SEPTIN9: variants seen among roughly 807,000 people sequenced by gnomAD.
The protein encoded by SEPTIN9 is septin 9.
In SEPTIN9, 13 loss-of-function variants were observed where a neutral mutation model predicts 56.6. The ratio of observed to expected loss-of-function variants is 0.23; its 90% CI spans 0.15 to 0.37. SEPTIN9 has a LOEUF of 0.37. Ranked by LOEUF, SEPTIN9 falls within the 10% of genes least tolerant of loss-of-function variation. The pLI is 1.00. For synonymous variants in SEPTIN9, 332 were observed against 334.1 expected, an observed-to-expected ratio of 0.99 and a Z score of 0.07; for missense variants, 650 against 823.1, an observed-to-expected ratio of 0.79 and a Z score of 2.57.
chr17:77,440,382 C>A (rs745488949), intron 3 of SEPTIN9, among the ~76,000 whole-genome samples: 1 of 152,114 alleles, frequency 6.6e-6, no homozygotes, highest in Non-Finnish European at 1.5e-5. Context: ...CTCGAACTCC[C>A]GACTTCAGGT....
chr17:77,488,384 G>T (rs1183548930), intron 6 of SEPTIN9, 63 bp downstream of exon 6: 1 of 1,464,470 alleles, frequency 6.8e-7, no homozygotes, highest in Non-Finnish European at 9.6e-7. Context: ...ACCCCACCCA[G>T]AGTCAGCCCT....
chr17:77,485,913 A>G (rs1001702646), intron 4 of SEPTIN9, among the ~76,000 whole-genome samples: 3 of 151,918 alleles, frequency 2.0e-5, no homozygotes, highest in African/African-American at 4.8e-5. Flanking sequence ...GTCTTGACTC[A>G]CTGCAGCCTC....
intron 1 of SEPTIN9, among the ~76,000 whole-genome samples, chr17:77,290,814 CATAA>C (rs71160222): frequency 7.5e-4 from 106 of 141,476 alleles, no homozygotes; most frequent in African/African-American, 1.6e-3. Flanking sequence ...GACCCTGTCT[CATAA>C]ATAAATAAAT....
chr17:77,479,859 C>T (rs1014951533), intron 3 of SEPTIN9, among the ~76,000 whole-genome samples: 5 of 152,302 alleles, frequency 3.3e-5, no homozygotes, highest in Admixed American at 1.3e-4. Context: ...AAGCGATTTT[C>T]GGTCACGTGG....
In SEPTIN9 at chr17:77,449,637, C is replaced by T. The variant is rs959894237; in HGVS notation, c.722-32507C>T. Among the ~76,000 whole-genome samples, 3 of 152,198 alleles carry T rather than the reference C, an allele frequency of 2.0e-5. No individual in the cohort carries two copies. Among genetic ancestry groups the T allele is most frequent in the African/African-American group, 7.2e-5 (3 of 41,444 alleles). On this transcript the variant is annotated intron_variant, in intron 3 of 11. Coordinates refer to ENST00000427177, the MANE Select transcript of SEPTIN9 (RefSeq NM_001113491.2). This position sits in a 1 kb window ranked among gnomAD's most constrained non-coding sequence, Gnocchi z 4.6. ...CCTCGAGGCTTTCTGTTGACCCTGA[C>T]ACCTGGCCAGAAAGGAGTTCCTTCT...
chr17:77,414,870 G>A (rs767084193), intron 3 of SEPTIN9, among the ~76,000 whole-genome samples: 1 of 152,116 alleles, frequency 6.6e-6, no homozygotes, highest in African/African-American at 2.4e-5. Context: ...GAGCTACTGC[G>A]CCTGGCCGAT....
chr17:77,449,679 G>A lies in SEPTIN9; in HGVS notation c.722-32465G>A, dbSNP rs1051986917. ...GTTCCTTCTGGCATCCTTTGTCAGC[G>A]GTTTCTGGAGCTGCCCTTTAGGGGC... On this transcript the variant is annotated intron_variant, in intron 3 of 11. Coordinates refer to ENST00000427177, the MANE Select transcript of SEPTIN9 (RefSeq NM_001113491.2). This position sits in a 1 kb window ranked among gnomAD's most constrained non-coding sequence, Gnocchi z 4.6. Among the ~76,000 whole-genome samples, 5 of 152,176 alleles carry A rather than the reference G, an allele frequency of 3.3e-5. No individual in the cohort carries two copies. Among genetic ancestry groups the A allele is most frequent in the Admixed American group, 1.3e-4 (2 of 15,288 alleles).
At chr17:77,320,670 C>T (rs1030379636) in intron 2 of SEPTIN9, among the ~76,000 whole-genome samples, 4 of 152,168 alleles carry the variant, frequency 2.6e-5, no homozygotes, top group African/African-American at 9.7e-5. Context: ...GTGTGGGGGA[C>T]CTGCCCCCCT....
intron 3 of SEPTIN9, among the ~76,000 whole-genome samples, chr17:77,432,011 G>A (rs996349785): frequency 3.9e-5 from 6 of 152,232 alleles, no homozygotes; most frequent in African/African-American, 1.2e-4. Flanking sequence ...ACAGGTTGGG[G>A]AGGTTTCAGC....
At chr17:77,486,767 C>T (rs768061867) in intron 4 of SEPTIN9, among the ~76,000 whole-genome samples, 4 of 152,174 alleles carry the variant, frequency 2.6e-5, no homozygotes, top group Non-Finnish European at 4.4e-5. Flanking sequence ...TCTGCACACA[C>T]GGTCACTGTC....
At chr17:77,490,654 C>T (rs2039986160) in intron 7 of SEPTIN9, 88 bp from the exon 8 acceptor site, 1 of 1,052,306 alleles carries the variant, frequency 9.5e-7, no homozygotes, top group Non-Finnish European at 1.4e-6. Context: ...GAGCCAGCAC[C>T]TGAGAGTGTC....
At position 77,371,647 on chromosome 17, in the gene SEPTIN9, G is replaced by A. The variant is rs936164556; in HGVS notation, c.77-30412G>A. 1.6e-4 allele frequency among the ~76,000 whole-genome samples: 25 copies of A among 152,168 alleles called. No individual in the cohort carries two copies. Among genetic ancestry groups the A allele is most frequent in the Non-Finnish European group, 3.2e-4 (22 of 68,038 alleles). On this transcript the variant is annotated intron_variant, in intron 2 of 11. Transcript: ENST00000427177. This position sits in a 1 kb window ranked among gnomAD's most constrained non-coding sequence, Gnocchi z 4.1. ...GGGCTGGACTATCCGATAGGCCCAG[G>A]TGCTGGAGTTCAGACAAGACATACC...
chr17:77,321,728 CG>C (rs2032942535), intron 2 of SEPTIN9, among the ~76,000 whole-genome samples: 2 of 152,300 alleles, frequency 1.3e-5, no homozygotes, highest in Admixed American at 6.5e-5. Context: ...ACTGGTGGAG[CG>C]GGTGTGTGTT....
chr17:77,452,471 C>A (rs911353664), intron 3 of SEPTIN9, among the ~76,000 whole-genome samples: 1 of 152,226 alleles, frequency 6.6e-6, no homozygotes, highest in Admixed American at 6.5e-5. Flanking sequence ...CATGTGAAAT[C>A]TGCTGTGTTT....
intron 1 of SEPTIN9, among the ~76,000 whole-genome samples, chr17:77,283,881 G>A (rs1358770062): frequency 6.6e-6 from 1 of 152,202 alleles, no homozygotes; most frequent in Non-Finnish European, 1.5e-5. Context: ...GTCCTTGCCT[G>A]CAGAGAACTT....
intron 2 of SEPTIN9, chr17:77,320,121 A>T (rs2032852988): frequency 6.8e-7 from 1 of 1,470,210 alleles, no homozygotes; most frequent in African/African-American, 1.4e-5. Flanking sequence ...GAGCACAAAC[A>T]TATGATCAGC....
intron 3 of SEPTIN9, among the ~76,000 whole-genome samples, chr17:77,464,631 C>T (rs1437206237): frequency 2.7e-5 from 4 of 150,744 alleles, no homozygotes; most frequent in East Asian, 1.9e-4. Context: ...GACGGAGTCT[C>T]GCTCTGTCGC....
chr17:77,467,043 C>G (rs433975), intron 3 of SEPTIN9, among the ~76,000 whole-genome samples: 11,275 of 152,194 alleles, frequency 0.074, 1,370 homozygotes, highest in African/African-American at 0.25. Flanking sequence ...TTGCCAGTTA[C>G]TAAATCCGCT....
chr17:77,385,376 AG>A (rs143450912), intron 2 of SEPTIN9, among the ~76,000 whole-genome samples: 4,658 of 151,444 alleles, frequency 0.031, 106 homozygotes, highest in Non-Finnish European at 0.049. Flanking sequence ...GGGGACTTGG[AG>A]TTGCCAGCTC....
Sources: gnomAD v4.1 joint callset for allele counts (sites outside exome capture counted in the v4.1 genomes callset) on GRCh38, gnomAD v4.1.1 for gene constraint, Gnocchi (gnomAD v3.1) non-coding constraint, MANE v1.5 for transcripts, NCBI Gene and HGNC (gene_info 2026-07-23, HGNC 2026-07-21) for gene names.